Variants in TMCC1 observed in about 807,000 individuals in gnomAD.
TMCC1 encodes transmembrane and coiled-coil domains protein 1.
In TMCC1, 15 loss-of-function variants were observed where a neutral mutation model predicts 52.4. That is an observed-to-expected ratio of 0.29 (90% CI 0.19 to 0.44). TMCC1 has a LOEUF of 0.44. Ranked by LOEUF, TMCC1 falls within the 20% of genes least tolerant of loss-of-function variation. The pLI, the probability that TMCC1 is intolerant of heterozygous loss-of-function variation, is 1.00. For synonymous variants in TMCC1, 279 were observed against 301.9 expected, an observed-to-expected ratio of 0.92 and a Z score of 0.79; for missense variants, 503 against 806.0, an observed-to-expected ratio of 0.62 and a Z score of 4.55.
chr3:129,834,536 C>G (rs539448804), intron 2 of TMCC1, among the ~76,000 whole-genome samples: 1 of 152,020 alleles, frequency 6.6e-6, no homozygotes, highest in Non-Finnish European at 1.5e-5. Flanking sequence ...CTTGATATAA[C>G]AGAAAATAAA....
At chr3:129,875,658 A>G (rs1403439637) in intron 2 of TMCC1, among the ~76,000 whole-genome samples, 2 of 152,152 alleles carry the variant, frequency 1.3e-5, no homozygotes, top group Non-Finnish European at 2.9e-5. Context: ...TCCAACACCT[A>G]CAACAGGGCC....
At chr3:129,806,392 C>T (rs909846680) in intron 4 of TMCC1, among the ~76,000 whole-genome samples, 6 of 152,218 alleles carry the variant, frequency 3.9e-5, no homozygotes, top group Non-Finnish European at 8.8e-5. Context: ...TCCACCTCGT[C>T]TTATGGAACA....
At chr3:129,775,049 G>A (rs1016307236) in intron 4 of TMCC1, among the ~76,000 whole-genome samples, 1 of 152,166 alleles carries the variant, frequency 6.6e-6, no homozygotes, top group Non-Finnish European at 1.5e-5. Context: ...GTACTATGCT[G>A]GGGACAGAGA....
chr3:129,798,067 C>G (rs1193343918), intron 4 of TMCC1, among the ~76,000 whole-genome samples: 2 of 150,310 alleles, frequency 1.3e-5, no homozygotes, highest in African/African-American at 4.9e-5. Context: ...ATGGTCTCAG[C>G]TCATTGCAAC....
chr3:129,772,262 G>A (rs2054650370), intron 4 of TMCC1, among the ~76,000 whole-genome samples: 1 of 152,142 alleles, frequency 6.6e-6, no homozygotes. Context: ...TGGGAGGATT[G>A]CTTAAAGCCA....
intron 2 of TMCC1, among the ~76,000 whole-genome samples, chr3:129,864,194 A>G (rs1044948470): frequency 2.6e-5 from 4 of 152,314 alleles, no homozygotes; most frequent in East Asian, 3.9e-4. Context: ...ATAGGCCTCA[A>G]CAGATTGATA....
At chr3:129,807,424 A>G (rs2057529600) in intron 4 of TMCC1, among the ~76,000 whole-genome samples, 1 of 152,206 alleles carries the variant, frequency 6.6e-6, no homozygotes, top group South Asian at 2.1e-4. Context: ...CCAGTCTTTG[A>G]GTTTTCCAGA....
chr3:129,784,860 A>G (rs1425872293), intron 4 of TMCC1, among the ~76,000 whole-genome samples: 1 of 151,994 alleles, frequency 6.6e-6, no homozygotes, highest in Non-Finnish European at 1.5e-5. Flanking sequence ...GCTACTTGAG[A>G]GGCTGAGGGA....
chr3:129,876,306 A>G (rs1333279019), intron 2 of TMCC1, among the ~76,000 whole-genome samples: 1 of 147,980 alleles, frequency 6.8e-6, no homozygotes, highest in Non-Finnish European at 1.5e-5. Context: ...AAAAAAAAAA[A>G]GAATAAATAT....
chr3:129,810,316 C>T (rs2057733701), intron 4 of TMCC1, among the ~76,000 whole-genome samples: 1 of 151,858 alleles, frequency 6.6e-6, no homozygotes, highest in African/African-American at 2.4e-5. Flanking sequence ...CAAGATTGCA[C>T]CACTGGGCAA....
chr3:129,885,189 C>G (rs11915828), intron 1 of TMCC1, among the ~76,000 whole-genome samples: 4,141 of 151,996 alleles, frequency 0.027, 197 homozygotes, highest in African/African-American at 0.095. Context: ...TCCTTGTTTT[C>G]AAGAAATCTG....
At chr3:129,724,373 A>T (rs6801262) in intron 4 of TMCC1, among the ~76,000 whole-genome samples, 14,004 of 152,232 alleles carry the variant, frequency 0.092, 2,099 homozygotes, top group African/African-American at 0.32. Flanking sequence ...AATAATCAGG[A>T]AGAAGAAAAC....
chr3:129,798,562 G>A (rs937930752), intron 4 of TMCC1, among the ~76,000 whole-genome samples: 5 of 151,092 alleles, frequency 3.3e-5, no homozygotes, highest in East Asian at 1.9e-4. Context: ...GGAGACAGGG[G>A]TGTGAAACAA....
chr3:129,729,157 T>G (rs78404143), intron 4 of TMCC1, among the ~76,000 whole-genome samples: 1,857 of 152,002 alleles, frequency 0.012, 29 homozygotes, highest in African/African-American at 0.043. Flanking sequence ...TTTTCCAGAG[T>G]AGTTTTGCCA....
chr3:129,823,428 G>A (rs575355206), intron 4 of TMCC1, among the ~76,000 whole-genome samples: 51 of 152,162 alleles, frequency 3.4e-4, no homozygotes, highest in African/African-American at 1.1e-3. Flanking sequence ...ACCTATTAAC[G>A]CATAATGTAT....
chr3:129,775,207 G>A (rs1330196615), intron 4 of TMCC1, among the ~76,000 whole-genome samples: 9 of 152,136 alleles, frequency 5.9e-5, no homozygotes, highest in African/African-American at 2.2e-4. Flanking sequence ...CACTTTGGGA[G>A]GCTGAGGCAG....
At chr3:129,784,207 G>A (rs1041895087) in intron 4 of TMCC1, among the ~76,000 whole-genome samples, 3 of 151,884 alleles carry the variant, frequency 2.0e-5, no homozygotes, top group African/African-American at 4.8e-5. Flanking sequence ...ATTATTCTAT[G>A]TTCCTGGATA....
chr3:129,808,626 A>C (rs2057605896), intron 4 of TMCC1, among the ~76,000 whole-genome samples: 1 of 151,870 alleles, frequency 6.6e-6, no homozygotes. Context: ...AAAAAGGTGT[A>C]TAAAAAGGGA....
chr3:129,742,412 GAACA>G (rs1169478239), intron 4 of TMCC1, among the ~76,000 whole-genome samples: 2 of 152,030 alleles, frequency 1.3e-5, no homozygotes, highest in Non-Finnish European at 1.5e-5. Flanking sequence ...CAGAGGACCT[GAACA>G]GACAGTTCTT....
Sources: allele counts gnomAD v4.1 joint callset (sites outside exome capture counted in the v4.1 genomes callset), GRCh38; gene constraint gnomAD v4.1.1; transcripts MANE v1.5; gene names NCBI Gene and HGNC (gene_info 2026-07-23, HGNC 2026-07-21).